The following AGAP1 variants were observed in gnomAD, a reference collection of about 807,000 sequenced individuals.
The protein encoded by AGAP1 is ArfGAP with GTPase domain, ankyrin repeat and PH domain 1.
AGAP1 carries 29 observed loss-of-function variants against 105.3 expected under a neutral mutation model. The observed-to-expected ratio is 0.28, with a 90% CI of 0.21 to 0.38. The LOEUF (loss-of-function observed/expected upper bound fraction) is 0.38, where lower values mean the gene tolerates loss of function less well. Ranked by LOEUF, AGAP1 falls within the 10% of genes least tolerant of loss-of-function variation. The pLI, the probability that AGAP1 is intolerant of heterozygous loss-of-function variation, is 1.00. For synonymous variants in AGAP1, 509 were observed against 485.9 expected (o/e 1.05, Z -0.63); for missense variants, 998 against 1,165.1 (o/e 0.86, Z 2.09).
intron 9 of AGAP1, among the ~76,000 whole-genome samples, chr2:235,822,382 G>T (rs981329036): frequency 2.0e-5 from 3 of 152,180 alleles, no homozygotes; most frequent in African/African-American, 7.2e-5. Context: ...AACTGGAGAA[G>T]CCCAGGAGCG....
At position 235,883,955 on chromosome 2, in the gene AGAP1, T is replaced by C. The variant is rs1336470212; in HGVS notation, c.1155+506T>C. ...TCTTTGTGTTATATGTAAGTTTATGTTACATATAAGTTTGTTATATCCGTG... is the reference window on the plus strand; with the variant it reads ...TCTTTGTGTTATATGTAAGTTTATGCTACATATAAGTTTGTTATATCCGTG... On this transcript the variant is annotated intron_variant, in intron 10 of 17. Transcript: ENST00000304032. The surrounding 1 kb of genome is among the most constrained non-coding windows in gnomAD (Gnocchi z 4.5). Among the ~76,000 whole-genome samples, 1 of 152,212 alleles carries C rather than the reference T, an allele frequency of 6.6e-6. No homozygotes were observed. The highest frequency in any genetic ancestry group is 2.4e-5 in the African/African-American group (1 of 41,458).
At chr2:235,576,989 C>T (rs147603929) in intron 1 of AGAP1, among the ~76,000 whole-genome samples, 74 of 152,308 alleles carry the variant, frequency 4.9e-4, no homozygotes, top group Middle Eastern at 3.4e-3. Flanking sequence ...CCACAGGTAT[C>T]CATCTTCCCT....
chr2:236,118,518 T>C (rs1271968355), intron 16 of AGAP1, among the ~76,000 whole-genome samples: 1 of 151,228 alleles, frequency 6.6e-6, no homozygotes, highest in African/African-American at 2.4e-5. Flanking sequence ...GCTTCCCGAG[T>C]AGCTGGGATT....
intron 1 of AGAP1, among the ~76,000 whole-genome samples, chr2:235,643,457 A>AG (rs1947269307): frequency 2.1e-5 from 3 of 140,484 alleles, no homozygotes; most frequent in African/African-American, 8.1e-5. Flanking sequence ...AAAAAAAAAA[A>AG]AAAGAAAGAA....
intron 16 of AGAP1, among the ~76,000 whole-genome samples, chr2:236,074,405 GCACACTC>G (rs1445181008): frequency 6.6e-6 from 1 of 152,160 alleles, no homozygotes; most frequent in Non-Finnish European, 1.5e-5. Context: ...GGTGTTCTGT[GCACACTC>G]TGCACTCTGG....
At chr2:236,063,774 A>G (rs1387288596) in intron 16 of AGAP1, among the ~76,000 whole-genome samples, 1 of 152,214 alleles carries the variant, frequency 6.6e-6, no homozygotes, top group African/African-American at 2.4e-5. Flanking sequence ...GAATTACTTG[A>G]GGCCCAGAAA....
chr2:235,629,714 T>TAA (rs71064865), intron 1 of AGAP1, among the ~76,000 whole-genome samples: 69 of 140,828 alleles, frequency 4.9e-4, no homozygotes, highest in East Asian at 4.0e-3. Flanking sequence ...ACAATAAATG[T>TAA]AAAAAAAAAA....
At chr2:235,658,325 C>T (rs1947839564) in intron 1 of AGAP1, among the ~76,000 whole-genome samples, 1 of 152,150 alleles carries the variant, frequency 6.6e-6, no homozygotes, top group African/African-American at 2.4e-5. Context: ...GGTTGACAGA[C>T]CTGCGAAAGG....
In AGAP1 at chr2:235,747,226, A is replaced by G. The variant is rs949537337; in HGVS notation, c.538+2387A>G. On this transcript the variant is annotated intron_variant, in intron 5 of 17. Coordinates refer to ENST00000304032, the MANE Select transcript of AGAP1 (RefSeq NM_001037131.3). The surrounding 1 kb of genome is among the most constrained non-coding windows in gnomAD (Gnocchi z 5.0). ...GAGTCTCCTGCCTGAGCCAAGGGGC[A>G]CATCGAGCCTCCTGCCAGGGTGGCT... is the stretch of plus-strand genomic sequence containing the variant. Among the ~76,000 whole-genome samples, 1 of 152,156 alleles carries G rather than the reference A, an allele frequency of 6.6e-6. No individual in the cohort carries two copies. The highest frequency in any genetic ancestry group is 1.5e-5 in the Non-Finnish European group (1 of 68,030).
At chr2:235,974,711 A>G (rs2054786659) in intron 13 of AGAP1, among the ~76,000 whole-genome samples, 1 of 152,226 alleles carries the variant, frequency 6.6e-6, no homozygotes, top group Non-Finnish European at 1.5e-5. Context: ...ATGTTGACAA[A>G]TTTCATTAAC....
chr2:235,526,532 T>C (rs1942845994), intron 1 of AGAP1, among the ~76,000 whole-genome samples: 1 of 152,200 alleles, frequency 6.6e-6, no homozygotes, highest in Non-Finnish European at 1.5e-5. Flanking sequence ...ACTATCCCTC[T>C]TGAAATCTCA....
intron 1 of AGAP1, among the ~76,000 whole-genome samples, chr2:235,606,144 G>A (rs867418210): frequency 7.9e-5 from 12 of 152,200 alleles, no homozygotes; most frequent in Admixed American, 1.3e-4. Context: ...GCCTTTCACC[G>A]GTGAGAAGTA....
intron 1 of AGAP1, among the ~76,000 whole-genome samples, chr2:235,511,335 C>T (rs977095247): frequency 2.6e-5 from 4 of 152,008 alleles, no homozygotes; most frequent in East Asian, 3.9e-4. Context: ...CAGAGGGGCC[C>T]GCCCTCTCGG....
chr2:235,821,948 A>T (rs1273515955), intron 9 of AGAP1, among the ~76,000 whole-genome samples: 4 of 152,222 alleles, frequency 2.6e-5, no homozygotes, highest in Non-Finnish European at 4.4e-5. Flanking sequence ...TAGATAGAAG[A>T]TCTACATTTC....
At position 236,042,769 on chromosome 2, in the gene AGAP1, G is replaced by A. The variant is rs1261407218; in HGVS notation, c.1891+1928G>A. ...GTGTGGGCCAGTTTGTTCTGAGCAA[G>A]ACCACCTGAGCAGATGGACAGGGAC... On this transcript the variant is annotated intron_variant, in intron 15 of 17. Transcript: ENST00000304032. This position sits in a 1 kb window ranked among gnomAD's most constrained non-coding sequence, Gnocchi z 5.6. 6.6e-6 allele frequency among the ~76,000 whole-genome samples: 1 copy of A among 152,184 alleles called. No individual in the cohort carries two copies. Among genetic ancestry groups the A allele is most frequent in the Admixed American group, 6.5e-5 (1 of 15,280 alleles).
At chr2:235,902,513 C>T (rs2051114092) in intron 10 of AGAP1, among the ~76,000 whole-genome samples, 2 of 152,136 alleles carry the variant, frequency 1.3e-5, no homozygotes, top group African/African-American at 2.4e-5. Flanking sequence ...ATGCAGATTT[C>T]TAAATAGTGA....
intron 1 of AGAP1, among the ~76,000 whole-genome samples, chr2:235,624,711 T>C (rs1559297048): frequency 6.6e-6 from 1 of 152,052 alleles, no homozygotes; most frequent in Non-Finnish European, 1.5e-5. Flanking sequence ...GGTTTGGAAG[T>C]TTGTCCCCTT....
At chr2:235,667,070 CTT>C (rs1193080219) in intron 1 of AGAP1, among the ~76,000 whole-genome samples, 2 of 152,136 alleles carry the variant, frequency 1.3e-5, no homozygotes, top group Non-Finnish European at 2.9e-5. Flanking sequence ...AAATTTTAGA[CTT>C]TTGCCATATT....
In AGAP1 at chr2:236,046,124, G is replaced by T; in HGVS notation, c.1892-2935G>T. 4.6e-6 allele frequency: 2 copies of T among 433,070 alleles called. No homozygotes were observed. Among genetic ancestry groups the T allele is most frequent in the Non-Finnish European group, 4.9e-6 (1 of 204,530 alleles). 26.8% of individuals were successfully genotyped at this position (433,070 alleles called of 1,614,324 possible). Reference sequence around the variant, plus strand: ...AGCGGCATGGAGGGCGGTGGGGTGGGCATAGGAACCAAATCGGAGGTTCTG... The same window carrying T: ...AGCGGCATGGAGGGCGGTGGGGTGGTCATAGGAACCAAATCGGAGGTTCTG... On this transcript the variant is annotated intron_variant, in intron 15 of 17. Coordinates refer to ENST00000304032, the MANE Select transcript of AGAP1 (RefSeq NM_001037131.3). This position sits in a 1 kb window ranked among gnomAD's most constrained non-coding sequence, Gnocchi z 5.2.
Sources: allele counts gnomAD v4.1 joint callset (sites outside exome capture counted in the v4.1 genomes callset), GRCh38; gene constraint gnomAD v4.1.1; non-coding constraint Gnocchi (gnomAD v3.1); transcripts MANE v1.5; gene names NCBI Gene and HGNC (gene_info 2026-07-23, HGNC 2026-07-21).